OSBPL10: variants seen among roughly 807,000 people sequenced by gnomAD.
The protein encoded by OSBPL10 is oxysterol-binding protein-related protein 10.
OSBPL10 carries 49 observed loss-of-function variants against 81.7 expected under a neutral mutation model. The observed-to-expected ratio is 0.60, with a 90% CI of 0.48 to 0.76. The LOEUF (loss-of-function observed/expected upper bound fraction) is 0.76, where lower values mean the gene tolerates loss of function less well. Ranked by LOEUF, OSBPL10 falls within the 30% of genes least tolerant of loss-of-function variation. The pLI, the probability that OSBPL10 is intolerant of heterozygous loss-of-function variation, is 0.00. For synonymous variants in OSBPL10, 419 were observed against 383.6 expected, an observed-to-expected ratio of 1.09 and a Z score of -1.08; for missense variants, 923 against 987.8, an observed-to-expected ratio of 0.93 and a Z score of 0.88.
intron 5 of OSBPL10, among the ~76,000 whole-genome samples, chr3:31,743,832 C>T (rs1010671166): frequency 6.6e-6 from 1 of 152,236 alleles, no homozygotes; most frequent in Non-Finnish European, 1.5e-5. Flanking sequence ...ATCAGCCCAA[C>T]CTGGCACTTC....
intron 2 of OSBPL10, among the ~76,000 whole-genome samples, chr3:31,993,507 C>G (rs1276098032): frequency 6.6e-6 from 1 of 152,140 alleles, no homozygotes; most frequent in Non-Finnish European, 1.5e-5. Context: ...CGCGCCCAGA[C>G]AAGAAAACCC....
In OSBPL10 at chr3:31,684,131, A is replaced by G; in HGVS notation, c.1246-17T>C. On this transcript the variant is annotated splice_polypyrimidine_tract_variant and intron_variant, in intron 7 of 11. Coordinates refer to ENST00000396556, the MANE Select transcript of OSBPL10 (RefSeq NM_017784.5). ...AAGCACCACCTGCATTTGGAAGGAC[A>G]CAAAGTCAGACAATCCCTGGGATTA... is the stretch of plus-strand genomic sequence containing the variant. 6.2e-7 allele frequency: 1 copy of G among 1,608,516 alleles called. No homozygotes were observed.
At chr3:32,055,410 G>T (rs1034993626) in intron 1 of OSBPL10, among the ~76,000 whole-genome samples, 2 of 151,466 alleles carry the variant, frequency 1.3e-5, no homozygotes, top group Non-Finnish European at 2.9e-5. Context: ...CACCATGTTG[G>T]CCAGGCTGGT....
At chr3:31,745,130 C>T (rs193201906) in intron 5 of OSBPL10, among the ~76,000 whole-genome samples, 7 of 152,304 alleles carry the variant, frequency 4.6e-5, no homozygotes, top group Admixed American at 2.6e-4. Context: ...CAGGTTTGGG[C>T]GCCCTTGCTC....
chr3:31,740,346 T>C (rs1204963836), intron 5 of OSBPL10, among the ~76,000 whole-genome samples: 2 of 152,170 alleles, frequency 1.3e-5, no homozygotes, highest in African/African-American at 4.8e-5. Flanking sequence ...CTGGCCGCTA[T>C]GAATAATATT....
chr3:31,903,558 T>C (rs754568001), intron 1 of OSBPL10, among the ~76,000 whole-genome samples: 6 of 152,148 alleles, frequency 3.9e-5, no homozygotes, highest in Non-Finnish European at 7.3e-5. Flanking sequence ...CTCAAACTCC[T>C]GGACTCAAAC....
chr3:31,930,003 C>CAAAAAAAA lies in OSBPL10; in HGVS notation c.282-50181_282-50174dup, dbSNP rs57256301. On this transcript the variant is annotated intron_variant, in intron 1 of 11. Coordinates refer to ENST00000396556, the MANE Select transcript of OSBPL10 (RefSeq NM_017784.5). ...GATCAAGTGAGACCCTGTCACCAAC[C>CAAAAAAAA]AAAAAAAAAAAAAAAAAAAAAAACA... 1.5e-3 allele frequency among the ~76,000 whole-genome samples: 110 copies of CAAAAAAAA among 72,524 alleles called. 12 individuals are homozygous for CAAAAAAAA. Among genetic ancestry groups the CAAAAAAAA allele is most frequent in the African/African-American group, 4.9e-3 (91 of 18,720 alleles). The allele number at this position is 72,524 out of a possible 152,430, so 47.6% of individuals were successfully genotyped here.
chr3:31,738,558 A>T (rs1213795921), intron 5 of OSBPL10, among the ~76,000 whole-genome samples: 1 of 152,210 alleles, frequency 6.6e-6, no homozygotes, highest in Non-Finnish European at 1.5e-5. Flanking sequence ...AATGGCCAAC[A>T]TTTATTGAGC....
At chr3:31,966,954 T>C (rs9881166) in intron 1 of OSBPL10, among the ~76,000 whole-genome samples, 24,247 of 151,666 alleles carry the variant, frequency 0.16, 4,974 homozygotes, top group African/African-American at 0.48. Flanking sequence ...GACAAGGATG[T>C]GGAACTGGAA....
intron 4 of OSBPL10, among the ~76,000 whole-genome samples, chr3:31,798,073 A>G (rs1699281907): frequency 6.6e-6 from 1 of 152,190 alleles, no homozygotes; most frequent in Admixed American, 6.5e-5. Flanking sequence ...GCCTCCAGCC[A>G]TACATAGCTA....
At chr3:31,754,793 T>G (rs1697838268) in intron 4 of OSBPL10, among the ~76,000 whole-genome samples, 2 of 152,192 alleles carry the variant, frequency 1.3e-5, no homozygotes, top group African/African-American at 4.8e-5. Flanking sequence ...ACTAATATTT[T>G]TATTCACTCT....
intron 1 of OSBPL10, among the ~76,000 whole-genome samples, chr3:31,913,157 T>TAGA: frequency 6.6e-6 from 1 of 152,204 alleles, no homozygotes; most frequent in Non-Finnish European, 1.5e-5. Context: ...GGGACTATAA[T>TAGA]ACCACCCCTG....
chr3:32,047,679 T>G (rs1256094869), intron 1 of OSBPL10, among the ~76,000 whole-genome samples: 2 of 151,856 alleles, frequency 1.3e-5, no homozygotes, highest in African/African-American at 4.8e-5. Context: ...GTTTTTTTTT[T>G]TGAGACGGAG....
At chr3:31,957,152 T>TA (rs200206670) in intron 1 of OSBPL10, among the ~76,000 whole-genome samples, 1,567 of 152,070 alleles carry the variant, frequency 0.01, 30 homozygotes, top group African/African-American at 0.036. Flanking sequence ...AAAAAATAAA[T>TA]AAAAATAAAT....
chr3:31,979,977 CTTTT>C (rs1399457177), intron 1 of OSBPL10, among the ~76,000 whole-genome samples: 4 of 150,500 alleles, frequency 2.7e-5, no homozygotes, highest in African/African-American at 4.9e-5. Flanking sequence ...TTTTTTCTTT[CTTTT>C]TATTATTTTA....
chr3:31,953,415 C>CTGTTGT (rs368951770), intron 1 of OSBPL10, among the ~76,000 whole-genome samples: 50 of 151,702 alleles, frequency 3.3e-4, no homozygotes, highest in African/African-American at 1.2e-3. Context: ...AGAAGTGATT[C>CTGTTGT]TGTTGTTGTT....
intron 4 of OSBPL10, among the ~76,000 whole-genome samples, chr3:31,806,794 G>A (rs545474674): frequency 3.0e-4 from 46 of 152,056 alleles, no homozygotes; most frequent in African/African-American, 1.1e-3. Flanking sequence ...GAAGTTGGGG[G>A]GTGGGGGGAG....
chr3:32,013,396 C>T (rs1419318686), intron 2 of OSBPL10, among the ~76,000 whole-genome samples: 12 of 152,002 alleles, frequency 7.9e-5, no homozygotes, highest in African/African-American at 1.9e-4. Flanking sequence ...TTGAAACCAA[C>T]GAGAACAAAG....
intron 3 of OSBPL10, among the ~76,000 whole-genome samples, chr3:31,842,179 C>CA (rs1217342859): frequency 6.6e-6 from 1 of 152,294 alleles, no homozygotes; most frequent in East Asian, 1.9e-4. Context: ...TAAAATGACA[C>CA]ACACACTTAA....
Sources: allele counts gnomAD v4.1 joint callset (sites outside exome capture counted in the v4.1 genomes callset), GRCh38; gene constraint gnomAD v4.1.1; transcripts MANE v1.5; gene names NCBI Gene and HGNC (gene_info 2026-07-23, HGNC 2026-07-21).